Variants in TM4SF19 observed in about 807,000 individuals in gnomAD.
The protein encoded by TM4SF19 is transmembrane 4 L6 family member 19.
In TM4SF19, 17 loss-of-function variants were observed where a neutral mutation model predicts 21.8. That is an observed-to-expected ratio of 0.78 (90% CI 0.53 to 1.17). The LOEUF (loss-of-function observed/expected upper bound fraction) is 1.17, where lower values mean the gene tolerates loss of function less well. Ranked by LOEUF, TM4SF19 falls within the 50% of genes most tolerant of loss-of-function variation. The pLI is 0.00. For synonymous variants in TM4SF19, 107 were observed against 106.7 expected (o/e 1.00, Z -0.02); for missense variants, 216 against 252.1 (o/e 0.86, Z 0.97).
intron 3 of TM4SF19, 184 bp from the exon 4 acceptor site, chr3:196,324,624 C>A: frequency 1.6e-6 from 1 of 622,032 alleles, no homozygotes; most frequent in Non-Finnish European, 2.8e-6. Flanking sequence ...CTGTCCATGG[C>A]ACCCCCTTTG....
intron 1 of TM4SF19, among the ~76,000 whole-genome samples, chr3:196,332,777 C>T (rs988049163): frequency 5.9e-5 from 9 of 151,812 alleles, no homozygotes; most frequent in Non-Finnish European, 1.0e-4. Context: ...GTCAAAATAT[C>T]CTAAGTTCAA....
At position 196,329,157 on chromosome 3, in the gene TM4SF19, C is replaced by T. The variant is rs985872489; in HGVS notation, c.-1-1566G>A. On this transcript the variant is annotated intron_variant, in intron 1 of 4. Coordinates refer to ENST00000273695, the MANE Select transcript of TM4SF19 (RefSeq NM_138461.4). The stretch of plus-strand genomic sequence containing the variant: ...CGGGGTTTCACCGTGTTAGCCAGGA[C>T]GGTCTTGATCTCCTGACCTCGTGAT... 1.5e-4 allele frequency among the ~76,000 whole-genome samples: 19 copies of T among 125,556 alleles called. 3 individuals carry two copies. The East Asian group carries it at 1.8e-3, about 12-fold the overall frequency. 82.4% of individuals were successfully genotyped at this position (125,556 alleles called of 152,430 possible).
At chr3:196,337,380 G>A (rs1727806861) in intron 1 of TM4SF19, among the ~76,000 whole-genome samples, 1 of 152,138 alleles carries the variant, frequency 6.6e-6, no homozygotes, top group African/African-American at 2.4e-5. Context: ...GTGATGGCCA[G>A]GCGGTTGTTA....
chr3:196,327,312 C>T, intron 2 of TM4SF19, 78 bp downstream of exon 2: 1 of 1,398,622 alleles, frequency 7.1e-7, no homozygotes, highest in Non-Finnish European at 9.9e-7. Flanking sequence ...GGAATCAAAA[C>T]ACTCTTCCCA....
chr3:196,324,024 G>C (rs1218718186), intron 4 of TM4SF19, 27 bp from the exon 5 acceptor site: 15 of 1,611,054 alleles, frequency 9.3e-6, no homozygotes, highest in Non-Finnish European at 1.2e-5. Flanking sequence ...GGAGACCAGG[G>C]GTCAGGCGAT....
chr3:196,323,642 G>A lies in TM4SF19; in HGVS notation c.*175C>T, dbSNP rs2108803895. 1 of 1,256,686 alleles carries A rather than the reference G, an allele frequency of 8.0e-7. No homozygotes were observed. The allele number at this position is 1,256,686 out of a possible 1,614,324, so 77.8% of individuals were successfully genotyped here. A position where few individuals can be genotyped will look rare whatever the true frequency, so the allele number is the denominator to read the frequency against. ...CATGGATCACCTGGAAGTTTACAAT[G>A]TGATTTAAAATGCATTCTATCATTC... On this transcript the variant is annotated 3_prime_UTR_variant, in exon 5 of 5. Transcript: ENST00000273695.
intron 1 of TM4SF19, among the ~76,000 whole-genome samples, chr3:196,333,881 C>T (rs555265047): frequency 2.0e-5 from 3 of 152,156 alleles, no homozygotes; most frequent in Admixed American, 6.5e-5. Context: ...GCCAACCTGG[C>T]GAAACCTCAT....
intron 1 of TM4SF19, among the ~76,000 whole-genome samples, chr3:196,338,046 C>T (rs1727844685): frequency 6.6e-6 from 1 of 152,168 alleles, no homozygotes; most frequent in South Asian, 2.1e-4. Context: ...TGCCCATGCC[C>T]AAACTTGATG....
At chr3:196,335,605 G>T (rs1727724987) in intron 1 of TM4SF19, among the ~76,000 whole-genome samples, 1 of 151,132 alleles carries the variant, frequency 6.6e-6, no homozygotes, top group Non-Finnish European at 1.5e-5. Flanking sequence ...GGCAGGGTGG[G>T]GTCAGGAATC....
intron 1 of TM4SF19, among the ~76,000 whole-genome samples, chr3:196,333,723 A>T (rs1727613440): frequency 6.6e-6 from 1 of 152,220 alleles, no homozygotes; most frequent in Non-Finnish European, 1.5e-5. Context: ...AAGCCTGTAT[A>T]TGTATCCCCG....
rs1379956892 is a variant in TM4SF19, at chr3:196,324,259, C to T, written c.449+12G>A. 31 of 1,613,288 alleles carry T rather than the reference C, an allele frequency of 1.9e-5. No homozygotes were observed. The highest frequency in any genetic ancestry group is 2.5e-5 in the Non-Finnish European group (29 of 1,179,632). ...GTCTGAAAAGACCAAGCCCAAGCCT[C>T]CACCCATTTACCTACTATGCAGGTC... On this transcript the variant is annotated intron_variant, in intron 4 of 4. Transcript: ENST00000273695.
intron 1 of TM4SF19, among the ~76,000 whole-genome samples, chr3:196,337,488 T>C (rs1727810452): frequency 6.6e-6 from 1 of 152,110 alleles, no homozygotes; most frequent in Non-Finnish European, 1.5e-5. Flanking sequence ...AGCAGCTTCC[T>C]GGTAAGAGCT....
At chr3:196,334,825 G>A (rs1021067300) in intron 1 of TM4SF19, among the ~76,000 whole-genome samples, 79 of 86,478 alleles carry the variant, frequency 9.1e-4, no homozygotes, top group Middle Eastern at 6.1e-3. Flanking sequence ...GAGAGGAAGG[G>A]TGCCCTGAGA....
chr3:196,336,896 C>T (rs545375733), intron 1 of TM4SF19, among the ~76,000 whole-genome samples: 20 of 152,206 alleles, frequency 1.3e-4, no homozygotes, highest in African/African-American at 4.3e-4. Context: ...CCCAGCAAGG[C>T]TTTTCTTTCA....
chr3:196,338,099 G>A (rs1727846476), intron 1 of TM4SF19, among the ~76,000 whole-genome samples, 165 bp downstream of exon 1: 1 of 152,194 alleles, frequency 6.6e-6, no homozygotes, highest in South Asian at 2.1e-4. Flanking sequence ...AGGTGCAAAG[G>A]CCAGAAGTTG....
chr3:196,336,146 T>A (rs1048717025), intron 1 of TM4SF19, among the ~76,000 whole-genome samples: 1 of 146,792 alleles, frequency 6.8e-6, no homozygotes, highest in Non-Finnish European at 1.5e-5. Flanking sequence ...TTGTTTTTTG[T>A]TTTTTTTTTG....
chr3:196,327,413 C>T lies in TM4SF19; in HGVS notation c.178G>A (p.Gly60Arg), dbSNP rs181068729. Residue 60 changes from glycine to arginine, a missense_variant, in exon 2 of 5, where the codon GGG (glycine) becomes AGG (arginine). Transcript: ENST00000273695. ...ACCATGAGGCCTCCTCCCCAGAGCCCAGTTCCCAGCATGGCATGCCTGCCA... is the reference window on the plus strand; with the variant it reads ...ACCATGAGGCCTCCTCCCCAGAGCCTAGTTCCCAGCATGGCATGCCTGCCA... ...LLGRHAMLGT[G>R]LWGGGLMVLT... is the part of the protein sequence containing the mutation. The T allele has an allele frequency of 1.3e-4, 215 of 1,614,126 alleles. No homozygotes were observed. Among genetic ancestry groups the T allele is most frequent in the Admixed American group, 7.0e-4 (42 of 60,018 alleles).
Position 196,327,465 on chromosome 3 carries a change from A to G in TM4SF19, c.126T>C (p.Asp42=), listed in dbSNP as rs1289185861. The G allele has an allele frequency of 6.2e-7, 1 of 1,614,180 alleles. No homozygotes were observed. The highest frequency in any genetic ancestry group is 2.2e-5 in the East Asian group (1 of 44,886). Residue 42 remains aspartate (D), a synonymous_variant, in exon 2 of 5, where the codon GAT becomes GAC. Coordinates refer to ENST00000273695, the MANE Select transcript of TM4SF19 (RefSeq NM_138461.4). ...ANVALLLPNW[D]VTYLLRGLLG... ...GGAGGCCCCTCAACAGGTAGGTGAC[A>G]TCCCAGTTAGGAAGGAGGAGTGCCA... is the stretch of plus-strand genomic sequence containing the variant.
chr3:196,331,655 C>T lies in TM4SF19; in HGVS notation c.-1-4064G>A, dbSNP rs147884206. Among the ~76,000 whole-genome samples, 1,188 of 151,986 alleles carry T rather than the reference C, an allele frequency of 7.8e-3. 15 individuals are homozygous for T. Among genetic ancestry groups the T allele is most frequent in the African/African-American group, 0.027 (1,135 of 41,420 alleles). The stretch of plus-strand genomic sequence containing the variant: ...ATACAAAACTAGCCGGGCGTGGTGG[C>T]GCATGCCTGTAATCCCAGCTACTCG... On this transcript the variant is annotated intron_variant, in intron 1 of 4. Coordinates refer to ENST00000273695, the MANE Select transcript of TM4SF19 (RefSeq NM_138461.4).
Sources: gnomAD v4.1 joint callset for allele counts (sites outside exome capture counted in the v4.1 genomes callset) on GRCh38, gnomAD v4.1.1 for gene constraint, MANE v1.5 for transcripts, NCBI Gene and HGNC (gene_info 2026-07-23, HGNC 2026-07-21) for gene names.